The following MAPKAP1 variants were observed in gnomAD, a reference collection of about 807,000 sequenced individuals.
The protein encoded by MAPKAP1 is MAPK associated protein 1.
In MAPKAP1, 20 loss-of-function variants were observed where a neutral mutation model predicts 65.7. The ratio of observed to expected loss-of-function variants is 0.30; its 90% CI spans 0.21 to 0.44. The LOEUF is 0.44. Among genes scored for constraint, MAPKAP1 ranks in the 20% least tolerant of loss-of-function variants. The pLI is 1.00. For missense variants in MAPKAP1, 423 were observed against 648.0 expected, an observed-to-expected ratio of 0.65 and a Z score of 3.77; for synonymous variants, 222 against 244.3, an observed-to-expected ratio of 0.91 and a Z score of 0.85.
intron 11 of MAPKAP1, among the ~76,000 whole-genome samples, chr9:125,441,976 A>C (rs1001193579): frequency 2.0e-5 from 3 of 151,934 alleles, no homozygotes; most frequent in African/African-American, 7.3e-5. Flanking sequence ...AAAATAGAAA[A>C]AAATTAGCTG....
Position 125,595,764 on chromosome 9 carries a change from A to G in MAPKAP1, c.499-10037T>C. 1 of 1,271,662 alleles carries G rather than the reference A, an allele frequency of 7.9e-7. No individual in the cohort carries two copies. The highest frequency in any genetic ancestry group is 1.1e-6 in the Non-Finnish European group (1 of 885,984). 78.8% of individuals were successfully genotyped at this position (1,271,662 alleles called of 1,614,324 possible). On this transcript the variant is annotated intron_variant, in intron 4 of 11. Transcript: ENST00000265960. The surrounding 1 kb of genome is among the most constrained non-coding windows in gnomAD (Gnocchi z 4.0). ...ACAACCAATGAGAGCAAGAGGAGCC[A>G]TTGTGAGCAATGGGGAACGCTCCCA...
At chr9:125,584,398 T>A (rs1831716951) in intron 5 of MAPKAP1, among the ~76,000 whole-genome samples, 2 of 152,280 alleles carry the variant, frequency 1.3e-5, no homozygotes, top group South Asian at 4.1e-4. Flanking sequence ...GCTGACTGGA[T>A]CATACTAACT....
At chr9:125,540,571 T>C (rs1271513234) in intron 7 of MAPKAP1, among the ~76,000 whole-genome samples, 5 of 152,248 alleles carry the variant, frequency 3.3e-5, no homozygotes, top group Non-Finnish European at 7.3e-5. Flanking sequence ...AGTGCTGTTC[T>C]GTACTCAATC....
At chr9:125,688,172 CTT>C (rs890844688) in intron 1 of MAPKAP1, among the ~76,000 whole-genome samples, 80 of 152,074 alleles carry the variant, frequency 5.3e-4, no homozygotes, top group African/African-American at 1.9e-3. Flanking sequence ...GAGTTTTGCT[CTT>C]GTCATCCAGG....
At chr9:125,471,635 G>A (rs1853929733) in intron 9 of MAPKAP1, 2 of 152,280 alleles carry the variant, frequency 1.3e-5, no homozygotes, top group Admixed American at 1.3e-4. Flanking sequence ...CTATGCTAAG[G>A]GGAGTGAGTG....
intron 7 of MAPKAP1, among the ~76,000 whole-genome samples, chr9:125,527,689 G>A (rs547896703): frequency 1.3e-5 from 2 of 152,212 alleles, no homozygotes; most frequent in South Asian, 4.1e-4. Context: ...CTGCAATACA[G>A]TAGCTTCCTA....
At chr9:125,668,744 A>G (rs1269552358) in intron 3 of MAPKAP1, among the ~76,000 whole-genome samples, 5 of 152,246 alleles carry the variant, frequency 3.3e-5, no homozygotes, top group Non-Finnish European at 2.9e-5. Context: ...GCAAATGCTA[A>G]TAATACCAGC....
chr9:125,672,479 A>T lies in MAPKAP1; in HGVS notation c.96T>A (p.Ile32=). 6.2e-7 allele frequency: 1 copy of T among 1,614,186 alleles called. No homozygotes were observed. Among genetic ancestry groups the T allele is most frequent in the Non-Finnish European group, 8.5e-7 (1 of 1,180,026 alleles). ...DDTGMCEMVL[I]DHDVDLEKIH... is the part of the protein sequence containing the mutation. Reference sequence around the variant, plus strand: ...TCTTCTCTAGGTCAACATCATGATCAATGAGAACCATCTCACACATTCCCG... The same window carrying T: ...TCTTCTCTAGGTCAACATCATGATCTATGAGAACCATCTCACACATTCCCG... The change falls in exon 2 of 12, where the codon ATT becomes ATA. Residue 32 remains isoleucine, a synonymous_variant. Coordinates refer to ENST00000265960, the MANE Select transcript of MAPKAP1 (RefSeq NM_001006617.3).
At chr9:125,694,602 C>T (rs372447779) in intron 1 of MAPKAP1, among the ~76,000 whole-genome samples, 4 of 152,240 alleles carry the variant, frequency 2.6e-5, no homozygotes, top group African/African-American at 9.6e-5. Flanking sequence ...GTTTTCCCCG[C>T]CCCCTCTCCC....
intron 4 of MAPKAP1, among the ~76,000 whole-genome samples, chr9:125,615,941 A>G (rs1246850606): frequency 6.6e-6 from 1 of 151,928 alleles, no homozygotes; most frequent in Non-Finnish European, 1.5e-5. Flanking sequence ...AAAAGAAAAG[A>G]GAAAAGGAGG....
chr9:125,472,228 A>G (rs957275959), intron 9 of MAPKAP1, among the ~76,000 whole-genome samples: 13 of 152,208 alleles, frequency 8.5e-5, no homozygotes, highest in African/African-American at 3.1e-4. Context: ...TAGGTCAGGG[A>G]GCATCTAAGT....
At chr9:125,682,135 T>C (rs1466604832) in intron 1 of MAPKAP1, among the ~76,000 whole-genome samples, 1 of 152,190 alleles carries the variant, frequency 6.6e-6, no homozygotes, top group Non-Finnish European at 1.5e-5. Flanking sequence ...TTCAGGAAAA[T>C]GTACCATGGT....
intron 5 of MAPKAP1, among the ~76,000 whole-genome samples, chr9:125,579,312 A>T (rs1283566930): frequency 6.6e-6 from 1 of 152,160 alleles, no homozygotes; most frequent in Non-Finnish European, 1.5e-5. Context: ...CTTTTTTGAG[A>T]CAAAGTTTTG....
chr9:125,673,352 G>A (rs540974887), intron 1 of MAPKAP1, among the ~76,000 whole-genome samples: 5 of 152,130 alleles, frequency 3.3e-5, no homozygotes, highest in East Asian at 1.9e-4. Flanking sequence ...TCAGCCTCCC[G>A]CGTAGCTGGG....
At chr9:125,521,349 T>C (rs1243669162) in intron 7 of MAPKAP1, 1 of 486,024 alleles carries the variant, frequency 2.1e-6, no homozygotes, top group Non-Finnish European at 2.7e-6. Context: ...TGGAAACCTT[T>C]ACCTTTGTCC....
At chr9:125,482,459 T>C (rs1413002260) in intron 9 of MAPKAP1, among the ~76,000 whole-genome samples, 2 of 152,172 alleles carry the variant, frequency 1.3e-5, no homozygotes, top group Non-Finnish European at 1.5e-5. Context: ...ATTTCTGAAA[T>C]ACAGTAGGAA....
intron 3 of MAPKAP1, among the ~76,000 whole-genome samples, chr9:125,663,740 G>C (rs7863252): frequency 0.052 from 7,903 of 152,092 alleles, 457 homozygotes; most frequent in African/African-American, 0.14. Flanking sequence ...GACAAGATGG[G>C]GGAAGTCATG....
intron 1 of MAPKAP1, among the ~76,000 whole-genome samples, chr9:125,698,495 C>T (rs951188407): frequency 1.3e-5 from 2 of 150,688 alleles, no homozygotes; most frequent in African/African-American, 4.9e-5. Context: ...GTGTGTGCCA[C>T]CACGCCTGGC....
chr9:125,598,594 C>T (rs575166843), intron 4 of MAPKAP1, among the ~76,000 whole-genome samples: 3 of 152,254 alleles, frequency 2.0e-5, no homozygotes, highest in African/African-American at 2.4e-5. Flanking sequence ...GAGCACAAGT[C>T]GGGGCATCAG....
Sources: gnomAD v4.1 joint callset for allele counts (sites outside exome capture counted in the v4.1 genomes callset) on GRCh38, gnomAD v4.1.1 for gene constraint, Gnocchi (gnomAD v3.1) non-coding constraint, MANE v1.5 for transcripts, NCBI Gene and HGNC (gene_info 2026-07-23, HGNC 2026-07-21) for gene names.